Variants in SORCS3 observed in about 807,000 individuals in gnomAD.
The protein encoded by SORCS3 is VPS10 domain-containing receptor SorCS3.
SORCS3 carries 57 observed loss-of-function variants against 146.3 expected under a neutral mutation model. The observed-to-expected ratio is 0.39, with a 90% CI of 0.31 to 0.49. The LOEUF (loss-of-function observed/expected upper bound fraction) is 0.49, where lower values mean the gene tolerates loss of function less well. Among genes scored for constraint, SORCS3 ranks in the 20% least tolerant of loss-of-function variants. SORCS3 has a pLI of 0.92. For synonymous variants in SORCS3, 653 were observed against 618.5 expected (o/e 1.06, Z -0.83); for missense variants, 1,341 against 1,575.5 (o/e 0.85, Z 2.52).
chr10:105,018,236 G>C (rs1301314336), intron 4 of SORCS3, among the ~76,000 whole-genome samples: 2 of 152,192 alleles, frequency 1.3e-5, no homozygotes, highest in African/African-American at 4.8e-5. Context: ...GGGCAGGATG[G>C]CTGCTATCAA....
chr10:104,999,024 T>C (rs750428649), intron 4 of SORCS3, among the ~76,000 whole-genome samples: 1 of 152,172 alleles, frequency 6.6e-6, no homozygotes, highest in Non-Finnish European at 1.5e-5. Flanking sequence ...ATTTCAGCAG[T>C]GCCAGTGTCA....
chr10:104,706,814 T>C (rs2016343061), intron 1 of SORCS3, among the ~76,000 whole-genome samples: 1 of 152,218 alleles, frequency 6.6e-6, no homozygotes, highest in Admixed American at 6.5e-5. Context: ...AATGTATACA[T>C]GTACATCTAT....
chr10:105,158,848 G>T, intron 10 of SORCS3, 44 bp from the exon 11 acceptor site: 1 of 1,487,742 alleles, frequency 6.7e-7, no homozygotes. Flanking sequence ...GGGTACAGGT[G>T]TCTGGAATTT....
At chr10:105,242,910 T>C (rs1466707546) in intron 20 of SORCS3, among the ~76,000 whole-genome samples, 2 of 64,930 alleles carry the variant, frequency 3.1e-5, no homozygotes, top group Non-Finnish European at 5.1e-5. Context: ...ATAAATTATA[T>C]ATATAATATA....
At chr10:104,737,372 T>C (rs1038075135) in intron 1 of SORCS3, among the ~76,000 whole-genome samples, 1 of 152,174 alleles carries the variant, frequency 6.6e-6, no homozygotes, top group Non-Finnish European at 1.5e-5. Flanking sequence ...CCACAATGGT[T>C]GAACTAGTTT....
chr10:104,676,884 G>A (rs1361101213), intron 1 of SORCS3, among the ~76,000 whole-genome samples: 3 of 152,046 alleles, frequency 2.0e-5, no homozygotes, highest in African/African-American at 7.2e-5. Flanking sequence ...GGTAGTGTGT[G>A]CCTTCTCTCC....
At chr10:105,164,403 G>A (rs1035223983) in intron 12 of SORCS3, 24 bp downstream of exon 12, 4 of 1,521,652 alleles carry the variant, frequency 2.6e-6, no homozygotes, top group Non-Finnish European at 3.6e-6. Context: ...TTGACAAAAA[G>A]GGAGGAGGCA....
At chr10:104,816,873 A>G (rs943641638) in intron 1 of SORCS3, among the ~76,000 whole-genome samples, 3 of 152,060 alleles carry the variant, frequency 2.0e-5, no homozygotes, top group Non-Finnish European at 4.4e-5. Context: ...ACTTCCTTCT[A>G]CTTGTTCCAT....
Position 104,883,496 on chromosome 10 carries a change from T to C in SORCS3, c.696-32337T>C, listed in dbSNP as rs1028390835. On this transcript the variant is annotated intron_variant, in intron 2 of 26. Coordinates refer to ENST00000369701, the MANE Select transcript of SORCS3 (RefSeq NM_014978.3). ...GAAAGATAAAGAAAACTCTGAAATA[T>C]GTACTTTTAAAGGCAAAACCTTAGA... 2.0e-5 allele frequency among the ~76,000 whole-genome samples: 3 copies of C among 152,290 alleles called. No individual in the cohort carries two copies. In the East Asian group the frequency reaches 5.8e-4, roughly 29 times the overall value.
intron 6 of SORCS3, among the ~76,000 whole-genome samples, chr10:105,099,749 AAT>A (rs760814817): frequency 1.4e-4 from 21 of 152,292 alleles, no homozygotes; most frequent in Non-Finnish European, 2.9e-4. Flanking sequence ...TTTGAGCAGA[AAT>A]ACAGCCTCTT....
chr10:105,176,919 A>G (rs1206215183), intron 13 of SORCS3, among the ~76,000 whole-genome samples: 1 of 149,100 alleles, frequency 6.7e-6, no homozygotes, highest in Non-Finnish European at 1.5e-5. Context: ...ATTTACCATT[A>G]TATATATTAT....
At chr10:104,777,032 G>A (rs1206996152) in intron 1 of SORCS3, among the ~76,000 whole-genome samples, 1 of 151,816 alleles carries the variant, frequency 6.6e-6, no homozygotes, top group Non-Finnish European at 1.5e-5. Context: ...AGGCTTTGGG[G>A]GCATCCTACA....
chr10:104,791,955 G>A (rs2017499702), intron 1 of SORCS3, among the ~76,000 whole-genome samples: 1 of 152,058 alleles, frequency 6.6e-6, no homozygotes, highest in South Asian at 2.1e-4. Flanking sequence ...ATTTTAATTG[G>A]GAATCTTTAG....
intron 2 of SORCS3, among the ~76,000 whole-genome samples, chr10:104,867,197 G>GGGAGA (rs67403450): frequency 6.6e-6 from 1 of 150,618 alleles, no homozygotes; most frequent in African/African-American, 2.4e-5. Context: ...GGGTGGGCTT[G>GGGAGA]GGAGAGGAGA....
At chr10:104,993,242 G>A (rs572637443) in intron 4 of SORCS3, among the ~76,000 whole-genome samples, 5 of 152,298 alleles carry the variant, frequency 3.3e-5, no homozygotes, top group East Asian at 3.9e-4. Context: ...AGAGGGGAGC[G>A]TCTGGTTGGC....
intron 3 of SORCS3, among the ~76,000 whole-genome samples, chr10:104,918,187 A>G (rs1589548947): frequency 6.6e-6 from 1 of 152,186 alleles, no homozygotes; most frequent in East Asian, 1.9e-4. Flanking sequence ...TATGCCACAA[A>G]AATTTTCATA....
chr10:105,256,458 C>G (rs1035229766), intron 24 of SORCS3, among the ~76,000 whole-genome samples: 3 of 152,136 alleles, frequency 2.0e-5, no homozygotes, highest in Non-Finnish European at 4.4e-5. Flanking sequence ...AGTACTTAAC[C>G]CAAAATTTCA....
intron 3 of SORCS3, among the ~76,000 whole-genome samples, chr10:104,968,507 C>G (rs192258270): frequency 1.3e-5 from 2 of 152,126 alleles, no homozygotes; most frequent in African/African-American, 2.4e-5. Context: ...TAACAATCTG[C>G]GAAACCATAT....
At chr10:104,738,381 C>G (rs1009046454) in intron 1 of SORCS3, among the ~76,000 whole-genome samples, 1 of 152,094 alleles carries the variant, frequency 6.6e-6, no homozygotes. Context: ...TCGATCCAGC[C>G]GAGGCACTTT....
Sources: allele counts gnomAD v4.1 joint callset (sites outside exome capture counted in the v4.1 genomes callset), GRCh38; gene constraint gnomAD v4.1.1; transcripts MANE v1.5; gene names NCBI Gene and HGNC (gene_info 2026-07-23, HGNC 2026-07-21).